Variants in SAMSN1 observed in about 807,000 individuals in gnomAD.
SAMSN1 encodes the protein SAM domain, SH3 domain and nuclear localization signals 1.
In SAMSN1, 31 loss-of-function variants were observed where a neutral mutation model predicts 42.0. That is an observed-to-expected ratio of 0.74 (90% confidence interval 0.55 to 1.00). The LOEUF (loss-of-function observed/expected upper bound fraction) is 1.00, where lower values mean the gene tolerates loss of function less well. Ranked by LOEUF, SAMSN1 falls within the 50% of genes least tolerant of loss-of-function variation. The pLI is 0.00. For synonymous variants in SAMSN1, 178 were observed against 151.9 expected (o/e 1.17, Z -1.26); for missense variants, 464 against 439.4 (o/e 1.06, Z -0.50).
chr21:14,570,719 C>T (rs552866749), intron 2 of SAMSN1, among the ~76,000 whole-genome samples: 2 of 152,240 alleles, frequency 1.3e-5, no homozygotes, highest in African/African-American at 4.8e-5. Context: ...TTCACGCCAC[C>T]ATCATCTTTC....
chr21:14,507,154 C>A (rs1413105357), intron 5 of SAMSN1, among the ~76,000 whole-genome samples: 1 of 152,178 alleles, frequency 6.6e-6, no homozygotes, highest in African/African-American at 2.4e-5. Flanking sequence ...CCCACTCTCA[C>A]CATTCCTCTT....
At chr21:14,631,560 G>A (rs966271440) in intron 2 of SAMSN1, among the ~76,000 whole-genome samples, 1 of 152,018 alleles carries the variant, frequency 6.6e-6, no homozygotes, top group African/African-American at 2.4e-5. Flanking sequence ...TAGAGACAGG[G>A]TTCACCATAT....
At chr21:14,598,547 G>A (rs894870113) in intron 6 of SAMSN1, among the ~76,000 whole-genome samples, 1 of 152,134 alleles carries the variant, frequency 6.6e-6, no homozygotes, top group African/African-American at 2.4e-5. Context: ...TGGTTCTCCA[G>A]GAAGTTTATC....
chr21:14,577,252 A>G lies in SAMSN1; in HGVS notation c.261+4884T>C, dbSNP rs1245950422. ...TATATATGTGTGTATATATATATAT[A>G]TATATATATATATATATATATATAT... On this transcript the variant is annotated intron_variant, in intron 2 of 8. Transcript: ENST00000285670. Among the ~76,000 whole-genome samples the G allele has an allele frequency of 4.0e-4, 14 of 35,202 alleles. 3 individuals are homozygous for G. Among genetic ancestry groups the G allele is most frequent in the African/African-American group, 2.6e-3 (12 of 4,608 alleles). 23.1% of individuals were successfully genotyped at this position (35,202 alleles called of 152,430 possible). A position where few individuals can be genotyped will look rare whatever the true frequency, so the allele number is the denominator to read the frequency against.
At chr21:14,599,924 ACTCACCAACT>A (rs1982384489) in intron 6 of SAMSN1, among the ~76,000 whole-genome samples, 1 of 152,006 alleles carries the variant, frequency 6.6e-6, no homozygotes, top group Non-Finnish European at 1.5e-5. Flanking sequence ...GGACTAAGAC[ACTCACCAACT>A]CTCTTGAATT....
chr21:14,627,089 G>A (rs1425645321), intron 2 of SAMSN1, among the ~76,000 whole-genome samples: 1 of 152,072 alleles, frequency 6.6e-6, no homozygotes, highest in Admixed American at 6.6e-5. Context: ...AGAACACATG[G>A]ACACAGGGTG....
rs1986998845 is a variant in SAMSN1 at position 14,498,427 on chromosome 21, G to C, written c.919+15C>G. ...TGATTATCAGCTGGGGAGAAGAGTA[G>C]GTGTACACACTTACTTTCTTCTTCA... On this transcript the variant is annotated intron_variant, in intron 7 of 7. Transcript: ENST00000400566. The C allele has an allele frequency of 6.3e-7, 1 of 1,595,246 alleles. No individual in the cohort carries two copies. The highest frequency in any genetic ancestry group is 1.1e-5 in the South Asian group (1 of 88,606).
At chr21:14,616,539 C>T (rs1036328744) in intron 2 of SAMSN1, among the ~76,000 whole-genome samples, 1 of 152,124 alleles carries the variant, frequency 6.6e-6, no homozygotes, top group African/African-American at 2.4e-5. Context: ...TTCTTCAGAT[C>T]AAGTGACCAT....
chr21:14,487,709 G>A (rs546294494), intron 7 of SAMSN1, among the ~76,000 whole-genome samples: 130 of 152,196 alleles, frequency 8.5e-4, no homozygotes, highest in African/African-American at 2.9e-3. Context: ...CTTAAGGCTT[G>A]TATTTGCAAC....
intron 1 of SAMSN1, among the ~76,000 whole-genome samples, chr21:14,654,146 T>C (rs1983878298): frequency 6.6e-6 from 1 of 152,012 alleles, no homozygotes; most frequent in East Asian, 1.9e-4. Context: ...AGTTATGACA[T>C]CATCTAGAAG....
chr21:14,619,644 T>C, intron 2 of SAMSN1: 1 of 317,698 alleles, frequency 3.1e-6, no homozygotes, highest in Non-Finnish European at 6.7e-6. Context: ...ATTTATTTCC[T>C]CACCTATCAC....
rs369702350 is a variant in SAMSN1, at chr21:14,532,744, G to A, written c.58-11523C>T. On this transcript the variant is annotated intron_variant, in intron 1 of 7. Coordinates refer to ENST00000400566, the MANE Select transcript of SAMSN1 (RefSeq NM_022136.5). ...CATAATTGATAATTAAATACAGTGAGATAGTCATAATCTTAAAGTAATTTG... is the reference window on the plus strand; with the variant it reads ...CATAATTGATAATTAAATACAGTGAAATAGTCATAATCTTAAAGTAATTTG... Among the ~76,000 whole-genome samples, 8 of 152,110 alleles carry A rather than the reference G, an allele frequency of 5.3e-5. No individual in the cohort carries two copies. The South Asian group carries it at 1.7e-3, about 31-fold the overall frequency.
chr21:14,655,465 G>C (rs1983901162), intron 1 of SAMSN1, among the ~76,000 whole-genome samples: 1 of 151,558 alleles, frequency 6.6e-6, no homozygotes, highest in Non-Finnish European at 1.5e-5. Context: ...AAATCAAATA[G>C]TACCTATAAA....
At chr21:14,627,087 T>C (rs923409885) in intron 2 of SAMSN1, among the ~76,000 whole-genome samples, 1 of 151,848 alleles carries the variant, frequency 6.6e-6, no homozygotes, top group Non-Finnish European at 1.5e-5. Flanking sequence ...TGAGAACACA[T>C]GGACACAGGG....
chr21:14,635,543 G>C (rs1283203948), intron 2 of SAMSN1, among the ~76,000 whole-genome samples: 1 of 152,104 alleles, frequency 6.6e-6, no homozygotes, highest in South Asian at 2.1e-4. Flanking sequence ...CGCATCAACA[G>C]TAAATCCTGT....
intron 4 of SAMSN1, chr21:14,612,473 A>G (rs1028852236): frequency 6.6e-6 from 2 of 303,712 alleles, no homozygotes; most frequent in Non-Finnish European, 1.4e-5. Flanking sequence ...TTGGTGTGTG[A>G]AATGTTGTAG....
intron 2 of SAMSN1, among the ~76,000 whole-genome samples, chr21:14,617,934 G>A (rs1019864161): frequency 1.3e-5 from 2 of 152,180 alleles, no homozygotes; most frequent in Admixed American, 6.5e-5. Context: ...AATACAATTA[G>A]GTATGGGACC....
chr21:14,505,992 T>A (rs1485681308), intron 5 of SAMSN1, among the ~76,000 whole-genome samples: 1 of 151,890 alleles, frequency 6.6e-6, no homozygotes, highest in African/African-American at 2.4e-5. Context: ...AAAAATGAAA[T>A]CAAGATGGAA....
chr21:14,535,932 C>T (rs575753479), intron 1 of SAMSN1, among the ~76,000 whole-genome samples: 1 of 152,314 alleles, frequency 6.6e-6, no homozygotes, highest in Non-Finnish European at 1.5e-5. Flanking sequence ...CAAACTAATA[C>T]AGACTAAGTG....
Sources: gnomAD v4.1 joint callset for allele counts (sites outside exome capture counted in the v4.1 genomes callset) on GRCh38, gnomAD v4.1.1 for gene constraint, MANE v1.5 for transcripts, NCBI Gene and HGNC (gene_info 2026-07-23, HGNC 2026-07-21) for gene names.